Variants in RBFOX1 observed in about 807,000 individuals in gnomAD.
The protein encoded by RBFOX1 is RNA binding fox-1 homolog 1.
A neutral mutation model predicts 57.7 loss-of-function variants in RBFOX1; 8 were observed. The ratio of observed to expected loss-of-function variants is 0.14; its 90% CI spans 0.08 to 0.25. The LOEUF (loss-of-function observed/expected upper bound fraction) is 0.25, where lower values mean the gene tolerates loss of function less well. RBFOX1 is among the 10% of genes least tolerant of loss of function. The pLI is 1.00. For synonymous variants in RBFOX1, 326 were observed against 222.4 expected, an observed-to-expected ratio of 1.47 and a Z score of -4.15; for missense variants, 611 against 548.5, an observed-to-expected ratio of 1.11 and a Z score of -1.14.
rs183484859 is a variant in RBFOX1 at position 6,533,453 on chromosome 16, A to T, written c.-63-121150A>T. 2.0e-3 allele frequency among the ~76,000 whole-genome samples: 298 copies of T among 151,826 alleles called. 1 individual carries two copies. Among genetic ancestry groups the T allele is most frequent in the Non-Finnish European group, 2.9e-3 (195 of 68,028 alleles). On this transcript the variant is annotated intron_variant, in intron 2 of 15. Coordinates refer to ENST00000550418, the MANE Select transcript of RBFOX1 (RefSeq NM_018723.4). ...GCCACGTGGCACCACCAGCATCCAT[A>T]GTCCTGAACACAGAGCAGTGGTTCT...
intron 3 of RBFOX1, among the ~76,000 whole-genome samples, chr16:6,998,642 C>G (rs1040999286): frequency 7.9e-5 from 12 of 152,038 alleles, no homozygotes; most frequent in African/African-American, 2.7e-4. Flanking sequence ...AAATTGCAAT[C>G]CTGTTTCACA....
intron 4 of RBFOX1, among the ~76,000 whole-genome samples, chr16:7,140,491 G>A (rs2073468104): frequency 6.6e-6 from 1 of 151,790 alleles, no homozygotes; most frequent in African/African-American, 2.4e-5. Flanking sequence ...ATTTATTGTT[G>A]GATACCCAGG....
chr16:5,589,997 C>G (rs1156638526), intron 2 of RBFOX1, among the ~76,000 whole-genome samples: 1 of 152,114 alleles, frequency 6.6e-6, no homozygotes, highest in Admixed American at 6.6e-5. Context: ...CTATTCCTGC[C>G]TCTTGACGAC....
chr16:5,904,077 G>T (rs367774950), intron 4 of RBFOX1, among the ~76,000 whole-genome samples: 17 of 152,230 alleles, frequency 1.1e-4, no homozygotes, highest in African/African-American at 4.1e-4. Flanking sequence ...CATGTTCCCT[G>T]CTCCCCTGTG....
chr16:6,228,412 T>A (rs1402715022), intron 1 of RBFOX1, among the ~76,000 whole-genome samples: 1 of 77,926 alleles, frequency 1.3e-5, no homozygotes, highest in Non-Finnish European at 2.5e-5. Context: ...TAAAGAAAAT[T>A]TTTAACACAC....
At chr16:7,292,767 A>G (rs2095817763) in intron 4 of RBFOX1, among the ~76,000 whole-genome samples, 1 of 152,078 alleles carries the variant, frequency 6.6e-6, no homozygotes, top group African/African-American at 2.4e-5. Flanking sequence ...GAATTATTTT[A>G]TCTGATACGA....
chr16:6,565,862 G>A (rs2097258381), intron 2 of RBFOX1, among the ~76,000 whole-genome samples: 2 of 152,346 alleles, frequency 1.3e-5, no homozygotes, highest in South Asian at 4.1e-4. Context: ...GGGTAAGACA[G>A]GCTATGCTGT....
intron 3 of RBFOX1, among the ~76,000 whole-genome samples, chr16:6,859,196 T>TATAC (rs1491356933): frequency 1.0e-5 from 1 of 96,106 alleles, no homozygotes; most frequent in African/African-American, 5.2e-5. Context: ...TATATATATA[T>TATAC]GTATATATAT....
At chr16:5,816,716 T>A (rs2055653907) in intron 3 of RBFOX1, among the ~76,000 whole-genome samples, 1 of 152,166 alleles carries the variant, frequency 6.6e-6, no homozygotes, top group African/African-American at 2.4e-5. Context: ...CCTGGGAGGC[T>A]GAGGCTGCAA....
intron 3 of RBFOX1, among the ~76,000 whole-genome samples, chr16:6,944,274 A>G (rs562521972): frequency 6.6e-6 from 1 of 152,144 alleles, no homozygotes; most frequent in South Asian, 2.1e-4. Context: ...GGGCGCCTGT[A>G]ATCCCAGCTA....
intron 2 of RBFOX1, among the ~76,000 whole-genome samples, chr16:6,451,864 C>G (rs1567306305): frequency 6.6e-6 from 1 of 151,536 alleles, no homozygotes. Flanking sequence ...ATCCATGGCT[C>G]CTTCCTTCCA....
At chr16:7,028,451 G>A (rs1597405138) in intron 3 of RBFOX1, among the ~76,000 whole-genome samples, 1 of 151,874 alleles carries the variant, frequency 6.6e-6, no homozygotes, top group African/African-American at 2.4e-5. Flanking sequence ...GCTGGGCGTG[G>A]TGGCTCATGC....
chr16:5,602,180 C>T (rs536601980), downstream of RBFOX1, among the ~76,000 whole-genome samples: 22 of 152,306 alleles, frequency 1.4e-4, no homozygotes, highest in African/African-American at 4.6e-4. Context: ...GTCATTTTGA[C>T]GACCTCTACT....
At chr16:7,162,776 A>T (rs1427057666) in intron 4 of RBFOX1, among the ~76,000 whole-genome samples, 12 of 152,052 alleles carry the variant, frequency 7.9e-5, no homozygotes, top group East Asian at 5.8e-4. Flanking sequence ...ATACAAGGCA[A>T]ATTGAAAACA....
chr16:7,132,904 AAAT>A (rs2070907566), intron 4 of RBFOX1, among the ~76,000 whole-genome samples: 1 of 152,210 alleles, frequency 6.6e-6, no homozygotes, highest in Admixed American at 6.5e-5. Context: ...ATGTGCATAA[AAAT>A]TGTGCCCATT....
At chr16:6,820,371 CTG>C (rs1279616050) in intron 3 of RBFOX1, among the ~76,000 whole-genome samples, 1 of 152,100 alleles carries the variant, frequency 6.6e-6, no homozygotes, top group African/African-American at 2.4e-5. Context: ...GTTCAGGTAA[CTG>C]TGATAGGCCC....
chr16:7,650,209 T>A (rs1251541872), intron 11 of RBFOX1, among the ~76,000 whole-genome samples: 1 of 152,034 alleles, frequency 6.6e-6, no homozygotes, highest in Non-Finnish European at 1.5e-5. Flanking sequence ...AGCCCTAGAT[T>A]AACAAGAAAG....
At chr16:6,137,349 G>T (rs1340904807) in intron 1 of RBFOX1, among the ~76,000 whole-genome samples, 1 of 152,146 alleles carries the variant, frequency 6.6e-6, no homozygotes, top group African/African-American at 2.4e-5. Flanking sequence ...TTATCGCCCA[G>T]GGTGGAGTGT....
At chr16:5,608,365 T>G (rs1312464666) in intron 3 of RBFOX1, among the ~76,000 whole-genome samples, 1 of 152,130 alleles carries the variant, frequency 6.6e-6, no homozygotes, top group Non-Finnish European at 1.5e-5. Flanking sequence ...TGGGAAGCTC[T>G]GGAGGTGTGA....
Sources: allele counts gnomAD v4.1 joint callset (sites outside exome capture counted in the v4.1 genomes callset), GRCh38; gene constraint gnomAD v4.1.1; transcripts MANE v1.5; gene names NCBI Gene and HGNC (gene_info 2026-07-23, HGNC 2026-07-21).